The following CAMKMT variants were observed in gnomAD, a reference collection of about 807,000 sequenced individuals.
CAMKMT encodes the protein calmodulin-lysine N-methyltransferase.
Under a neutral mutation model 48.0 loss-of-function variants are expected in CAMKMT, and 53 were observed. That is an observed-to-expected ratio of 1.10 (90% CI 0.89 to 1.39). The LOEUF is 1.39. CAMKMT is among the 40% of genes most tolerant of loss of function. The pLI, the probability that CAMKMT is intolerant of heterozygous loss-of-function variation, is 0.00. For missense variants in CAMKMT, 428 were observed against 402.7 expected, an observed-to-expected ratio of 1.06 and a Z score of -0.54; for synonymous variants, 165 against 152.3, an observed-to-expected ratio of 1.08 and a Z score of -0.61.
intron 1 of CAMKMT, 89 bp downstream of exon 1, chr2:44,362,234 T>C (rs570964391): frequency 5.8e-6 from 7 of 1,200,102 alleles, no homozygotes; most frequent in Non-Finnish European, 7.7e-6. Context: ...TCTTTCCTCT[T>C]GGCAGCTCTG....
intron 3 of CAMKMT, among the ~76,000 whole-genome samples, chr2:44,524,153 A>G (rs533345163): frequency 7.2e-5 from 11 of 152,310 alleles, no homozygotes; most frequent in Non-Finnish European, 1.6e-4. Flanking sequence ...GTCACAGAGC[A>G]TCACTTCCAC....
At chr2:44,662,671 C>T (rs1415973700) in intron 3 of CAMKMT, among the ~76,000 whole-genome samples, 1 of 152,150 alleles carries the variant, frequency 6.6e-6, no homozygotes, top group Non-Finnish European at 1.5e-5. Flanking sequence ...TATCTCACTG[C>T]TCAGGTAATC....
At chr2:44,513,840 C>A (rs753941159) in intron 3 of CAMKMT, among the ~76,000 whole-genome samples, 2 of 152,054 alleles carry the variant, frequency 1.3e-5, no homozygotes, top group Non-Finnish European at 2.9e-5. Context: ...GTGGCTCACA[C>A]CTGTAATCAC....
intron 3 of CAMKMT, among the ~76,000 whole-genome samples, chr2:44,428,838 A>C (rs1013520484): frequency 6.6e-6 from 1 of 152,164 alleles, no homozygotes; most frequent in Non-Finnish European, 1.5e-5. Context: ...AGTTTGTAAA[A>C]CTGTTACAGA....
chr2:44,764,333 G>A (rs1212813157), intron 9 of CAMKMT, among the ~76,000 whole-genome samples: 1 of 152,126 alleles, frequency 6.6e-6, no homozygotes, highest in African/African-American at 2.4e-5. Flanking sequence ...AGAATTGATA[G>A]CATTTTTAGA....
intron 3 of CAMKMT, among the ~76,000 whole-genome samples, chr2:44,566,825 A>G (rs952842647): frequency 6.6e-6 from 1 of 152,186 alleles, no homozygotes; most frequent in Admixed American, 6.5e-5. Context: ...TAACCTGAAA[A>G]CATACCTGTA....
At chr2:44,715,086 G>A (rs1314761762) in intron 6 of CAMKMT, among the ~76,000 whole-genome samples, 1 of 151,802 alleles carries the variant, frequency 6.6e-6, no homozygotes, top group Non-Finnish European at 1.5e-5. Flanking sequence ...CCAGCTACTA[G>A]GGAGGCTGAG....
intron 3 of CAMKMT, among the ~76,000 whole-genome samples, chr2:44,620,905 G>A (rs1169613101): frequency 6.6e-6 from 1 of 152,172 alleles, no homozygotes; most frequent in Non-Finnish European, 1.5e-5. Context: ...TAAAATTATA[G>A]TTATTACAGT....
intron 3 of CAMKMT, among the ~76,000 whole-genome samples, chr2:44,460,377 T>G (rs911398867): frequency 6.6e-6 from 1 of 152,174 alleles, no homozygotes; most frequent in Non-Finnish European, 1.5e-5. Context: ...GGGTAGTAAG[T>G]GTCTTGGGGA....
rs929246304 is a variant in CAMKMT, at chr2:44,548,279, G to A, written c.377-156004G>A. Among the ~76,000 whole-genome samples the A allele has an allele frequency of 8.5e-5, 13 of 152,196 alleles. No individual in the cohort carries two copies. In the East Asian group the frequency reaches 1.5e-3, roughly 18 times the overall value. Reference sequence around the variant, plus strand: ...GGATGAACATTAGACAAAGACATACGCCTTCTGTGTTTCTCTGTGAATCCA... The same window carrying A: ...GGATGAACATTAGACAAAGACATACACCTTCTGTGTTTCTCTGTGAATCCA... On this transcript the variant is annotated intron_variant, in intron 3 of 10. Transcript: ENST00000378494.
At chr2:44,515,230 A>G (rs1670776978) in intron 3 of CAMKMT, among the ~76,000 whole-genome samples, 1 of 152,236 alleles carries the variant, frequency 6.6e-6, no homozygotes, top group Admixed American at 6.5e-5. Flanking sequence ...ATATACTGCC[A>G]GATCAGTACT....
intron 3 of CAMKMT, among the ~76,000 whole-genome samples, chr2:44,560,945 C>T (rs1463479646): frequency 6.6e-6 from 1 of 152,100 alleles, no homozygotes; most frequent in African/African-American, 2.4e-5. Context: ...TTGAGTCTTT[C>T]TTTTTGATTC....
At chr2:44,465,327 G>C (rs1462780740) in intron 3 of CAMKMT, among the ~76,000 whole-genome samples, 1 of 152,186 alleles carries the variant, frequency 6.6e-6, no homozygotes, top group Non-Finnish European at 1.5e-5. Context: ...GCTGGACGCA[G>C]TAGATCACTC....
chr2:44,458,209 G>A (rs1667673819), intron 3 of CAMKMT, among the ~76,000 whole-genome samples: 1 of 151,902 alleles, frequency 6.6e-6, no homozygotes, highest in Non-Finnish European at 1.5e-5. Context: ...ATCATGCCCG[G>A]CTAATTTTTG....
chr2:44,634,115 C>T (rs568604508), intron 3 of CAMKMT, among the ~76,000 whole-genome samples: 50 of 152,082 alleles, frequency 3.3e-4, no homozygotes, highest in Non-Finnish European at 6.5e-4. Context: ...GTTTTTTTGC[C>T]TAGCCTGATG....
intron 7 of CAMKMT, among the ~76,000 whole-genome samples, chr2:44,722,176 C>CTTTTTTTTTTTTTTT (rs11323950): frequency 6.1e-5 from 7 of 115,456 alleles, no homozygotes; most frequent in Non-Finnish European, 1.1e-4. Flanking sequence ...TTTCTTTTTT[C>CTTTTTTTTTTTTTTT]TTTTTTTTTT....
chr2:44,744,086 A>G (rs754011495), intron 8 of CAMKMT, among the ~76,000 whole-genome samples: 4 of 152,210 alleles, frequency 2.6e-5, no homozygotes, highest in African/African-American at 4.8e-5. Flanking sequence ...AGATCTGACT[A>G]TTGATATAAG....
intron 3 of CAMKMT, among the ~76,000 whole-genome samples, chr2:44,489,004 T>G (rs1338467589): frequency 6.6e-6 from 1 of 151,892 alleles, no homozygotes; most frequent in Admixed American, 6.6e-5. Flanking sequence ...GAGCTGGGAC[T>G]GCAGGTATAT....
rs1681597561 is a variant in CAMKMT at position 44,394,076 on chromosome 2, G to A, written c.376+3771G>A. On this transcript the variant is annotated intron_variant, in intron 3 of 10. Transcript: ENST00000378494. ...CATTTTAAGCACATCATCCTTTGTT[G>A]AGTAGTATGAACAGAAGTGTTAGTA... is the stretch of plus-strand genomic sequence containing the variant. 2.6e-5 allele frequency among the ~76,000 whole-genome samples: 4 copies of A among 152,092 alleles called. No homozygotes were observed. In the South Asian group the frequency reaches 8.3e-4, roughly 32 times the overall value.
Sources: allele counts gnomAD v4.1 joint callset (sites outside exome capture counted in the v4.1 genomes callset), GRCh38; gene constraint gnomAD v4.1.1; transcripts MANE v1.5; gene names NCBI Gene and HGNC (gene_info 2026-07-23, HGNC 2026-07-21).